PIP5K1C: variants seen among roughly 807,000 people sequenced by gnomAD.
PIP5K1C encodes phosphatidylinositol 4-phosphate 5-kinase type-1 gamma.
In PIP5K1C, 45 loss-of-function variants were observed where a neutral mutation model predicts 80.1. That is an observed-to-expected ratio of 0.56 (90% CI 0.44 to 0.72). The LOEUF (loss-of-function observed/expected upper bound fraction) is 0.72, where lower values mean the gene tolerates loss of function less well. PIP5K1C is among the 30% of genes least tolerant of loss of function. The pLI is 0.00. For missense variants in PIP5K1C, 753 were observed against 954.6 expected, an observed-to-expected ratio of 0.79 and a Z score of 2.78; for synonymous variants, 498 against 420.1, an observed-to-expected ratio of 1.19 and a Z score of -2.27.
chr19:3,687,557 A>G (rs2035800179), intron 1 of PIP5K1C, among the ~76,000 whole-genome samples: 2 of 146,028 alleles, frequency 1.4e-5, no homozygotes, highest in Non-Finnish European at 3.1e-5. Context: ...ACACATGCAC[A>G]CGCACACACA....
chr19:3,700,395 G>A lies in PIP5K1C; in HGVS notation c.-5C>T, dbSNP rs1351948732. ...GTCCGGTACCTCCAGCTCCATGGCC[G>A]CGCGCGGACGGCGGCGGGGGCGCCC... On this transcript the variant is annotated 5_prime_UTR_variant, in exon 1 of 18. Coordinates refer to ENST00000335312, the MANE Select transcript of PIP5K1C (RefSeq NM_012398.3). 1 of 1,132,254 alleles carries A rather than the reference G, an allele frequency of 8.8e-7. No homozygotes were observed. Among genetic ancestry groups the A allele is most frequent in the Non-Finnish European group, 1.1e-6 (1 of 920,828 alleles). The allele number at this position is 1,132,254 out of a possible 1,614,324, so 70.1% of individuals were successfully genotyped here.
At chr19:3,685,871 AT>A (rs2035745108) in intron 1 of PIP5K1C, among the ~76,000 whole-genome samples, 1 of 151,066 alleles carries the variant, frequency 6.6e-6, no homozygotes, top group Non-Finnish European at 1.5e-5. Flanking sequence ...GTTCATCTTG[AT>A]TTTTTTGTAG....
intron 1 of PIP5K1C, among the ~76,000 whole-genome samples, chr19:3,687,581 A>G (rs957258042): frequency 1.3e-5 from 2 of 151,646 alleles, no homozygotes; most frequent in African/African-American, 4.9e-5. Flanking sequence ...ACACGCACAC[A>G]CATGCAGATA....
rs777386006 is a variant in PIP5K1C, at chr19:3,688,669, G to T, written c.94+11628C>A. ...TCGTGTCCCTCAGGGCTAGAGACCC[G>T]GATGAGCCCCATGGAGAAACCCGTA... is the stretch of plus-strand genomic sequence containing the variant. On this transcript the variant is annotated intron_variant, in intron 1 of 17. Coordinates refer to ENST00000335312, the MANE Select transcript of PIP5K1C (RefSeq NM_012398.3). The surrounding 1 kb of genome is among the most constrained non-coding windows in gnomAD (Gnocchi z 5.3). Among the ~76,000 whole-genome samples, 1 of 152,096 alleles carries T rather than the reference G, an allele frequency of 6.6e-6. No individual in the cohort carries two copies. Among genetic ancestry groups the T allele is most frequent in the African/African-American group, 2.4e-5 (1 of 41,386 alleles).
intron 15 of PIP5K1C, among the ~76,000 whole-genome samples, chr19:3,641,151 G>A (rs1034194011): frequency 1.3e-5 from 2 of 151,962 alleles, no homozygotes; most frequent in African/African-American, 4.8e-5. Context: ...GGAGACGGAG[G>A]CTGCAGTGAG....
intron 1 of PIP5K1C, among the ~76,000 whole-genome samples, chr19:3,678,366 A>AG (rs2035464000): frequency 1.6e-5 from 2 of 122,838 alleles, no homozygotes; most frequent in Admixed American, 7.9e-5. Flanking sequence ...GGAGGAATGG[A>AG]GGATGGAGGG....
chr19:3,653,419 G>A lies in PIP5K1C; in HGVS notation c.792C>T (p.Ser264=), dbSNP rs1165244028. The A allele has an allele frequency of 1.2e-6, 2 of 1,613,284 alleles. No homozygotes were observed. The highest frequency in any genetic ancestry group is 1.1e-5 in the South Asian group (1 of 91,090). The change falls in exon 7 of 18, where the codon AGC becomes AGT. Residue 264 remains serine (S), a synonymous_variant. Transcript: ENST00000335312. ...LKGSTYKRRA[S]KKEKEKSFPT... ...GGAAGCTCTTCTCCTTCTCCTTCTT[G>A]CTGGCGCGCCGCTTGTAGGTGGAGC...
chr19:3,677,621 A>G (rs2035401439), intron 1 of PIP5K1C, among the ~76,000 whole-genome samples: 1 of 150,936 alleles, frequency 6.6e-6, no homozygotes, highest in Admixed American at 6.6e-5. Flanking sequence ...AAGATGCTGA[A>G]TCGTGTTAAG....
At position 3,643,680 on chromosome 19, in the gene PIP5K1C, C is replaced by A. The variant is rs2270082; in HGVS notation, c.1511-299G>T. 0.086 allele frequency among the ~76,000 whole-genome samples: 12,880 copies of A among 149,452 alleles called. 658 individuals carry two copies. The highest frequency in any genetic ancestry group is 0.3 in the East Asian group (1,458 of 4,872). On this transcript the variant is annotated intron_variant, in intron 12 of 17. Coordinates refer to ENST00000335312, the MANE Select transcript of PIP5K1C (RefSeq NM_012398.3). ...CCACTGCTCTCTTCCCCTCCCCACC[C>A]CCCCTCCCTTCCCCTCCGCGCTGCT... is the stretch of plus-strand genomic sequence containing the variant.
At position 3,644,180 on chromosome 19, in the gene PIP5K1C, C is replaced by A; in HGVS notation, c.1417G>T (p.Ala473Ser). 1 of 1,612,224 alleles carries A rather than the reference C, an allele frequency of 6.2e-7. No homozygotes were observed. Among genetic ancestry groups the A allele is most frequent in the Middle Eastern group, 1.7e-4 (1 of 6,036 alleles). The change falls in exon 12 of 18, where the codon GCT becomes TCT. Residue 473 changes from alanine (A) to serine (S), a missense_variant. Around this residue, in one of 6 missense-constraint regions of PIP5K1C, gnomAD observed 315 missense variants for 294.5 expected, o/e 1.07. Coordinates refer to ENST00000335312, the MANE Select transcript of PIP5K1C (RefSeq NM_012398.3). ...LLAVKPLGPTAAFSASQIPSE... is the reference protein window; with the variant it reads ...LLAVKPLGPTSAFSASQIPSE... ...GGGATCTGGCTGGCCGAGAAGGCAG[C>A]GGTGGGCCCCAGCGGTTTCACAGCT...
At chr19:3,691,263 C>T (rs1250411633) in intron 1 of PIP5K1C, among the ~76,000 whole-genome samples, 1 of 152,206 alleles carries the variant, frequency 6.6e-6, no homozygotes, top group Non-Finnish European at 1.5e-5. Flanking sequence ...TGCCGGAACA[C>T]GGAGCGCCCG....
At chr19:3,644,397 T>G in intron 11 of PIP5K1C, 146 bp from the exon 12 acceptor site, 1 of 804,938 alleles carries the variant, frequency 1.2e-6, no homozygotes, top group African/African-American at 1.7e-5. Flanking sequence ...CCACAACCTC[T>G]TGGTGGAAAA....
chr19:3,665,899 A>G (rs925818358), intron 2 of PIP5K1C, among the ~76,000 whole-genome samples: 1 of 152,026 alleles, frequency 6.6e-6, no homozygotes, highest in Non-Finnish European at 1.5e-5. Context: ...TGGACCCTCC[A>G]CTGGCCAGAC....
intron 1 of PIP5K1C, among the ~76,000 whole-genome samples, chr19:3,693,994 C>T (rs1041988443): frequency 1.3e-5 from 2 of 151,756 alleles, no homozygotes; most frequent in Admixed American, 1.3e-4. Flanking sequence ...GGGCGGATCA[C>T]CAGGTCAGGA....
chr19:3,699,160 G>A (rs977033896), intron 1 of PIP5K1C, among the ~76,000 whole-genome samples: 1 of 151,946 alleles, frequency 6.6e-6, no homozygotes, highest in Non-Finnish European at 1.5e-5. Flanking sequence ...CCCGGGCTGG[G>A]GCCTGGTGCC....
At chr19:3,642,783 A>G in intron 14 of PIP5K1C, 124 bp downstream of exon 14, 2 of 825,154 alleles carry the variant, frequency 2.4e-6, no homozygotes, top group African/African-American at 1.7e-5. Context: ...GAGTGCTACA[A>G]TCTTAAATCT....
chr19:3,677,788 G>T (rs1306563474), intron 1 of PIP5K1C, among the ~76,000 whole-genome samples: 3 of 67,346 alleles, frequency 4.5e-5, no homozygotes, highest in East Asian at 5.4e-4. Context: ...GATGGAGGGA[G>T]GGATGCAGGG....
chr19:3,699,338 G>A (rs577936982), intron 1 of PIP5K1C, among the ~76,000 whole-genome samples: 3 of 145,028 alleles, frequency 2.1e-5, no homozygotes, highest in Middle Eastern at 3.5e-3. Context: ...GGCGGGGGGT[G>A]GGGGGGGGAC....
At chr19:3,655,878 TC>T (rs1403024155) in intron 6 of PIP5K1C, among the ~76,000 whole-genome samples, 1 of 151,758 alleles carries the variant, frequency 6.6e-6, no homozygotes, top group African/African-American at 2.4e-5. Context: ...CTACTCCTAC[TC>T]CCCCCTCCCG....
Sources: allele counts gnomAD v4.1 joint callset (sites outside exome capture counted in the v4.1 genomes callset), GRCh38; gene constraint gnomAD v4.1.1; regional missense constraint gnomAD v4.1.1; non-coding constraint Gnocchi (gnomAD v3.1); transcripts MANE v1.5; gene names NCBI Gene and HGNC (gene_info 2026-07-23, HGNC 2026-07-21).